The following MSGN1 variants were observed in gnomAD, a reference collection of about 807,000 sequenced individuals.
MSGN1 encodes the protein mesogenin 1, also known as mesogenin-1.
A neutral mutation model predicts 10.1 loss-of-function variants in MSGN1; 3 were observed. The ratio of observed to expected loss-of-function variants is 0.30; its 90% CI spans 0.13 to 0.76. MSGN1 has a LOEUF of 0.76. Among genes scored for constraint, MSGN1 ranks in the 30% least tolerant of loss-of-function variants. MSGN1 has a pLI of 0.67. For missense variants in MSGN1, 244 were observed against 244.5 expected, an observed-to-expected ratio of 1.00 and a Z score of 0.01; for synonymous variants, 110 against 103.8, an observed-to-expected ratio of 1.06 and a Z score of -0.37.
Position 17,817,108 on chromosome 2 carries a change from C to T in MSGN1, c.*8C>T, listed in dbSNP as rs776521506. 8 of 1,607,456 alleles carry T rather than the reference C, an allele frequency of 5.0e-6. No homozygotes were observed. The South Asian group carries it at 6.6e-5, about 13-fold the overall frequency. On this transcript the variant is annotated 3_prime_UTR_variant, in exon 1 of 1. Coordinates refer to ENST00000281047, the MANE Select transcript of MSGN1 (RefSeq NM_001105569.3). Reference sequence around the variant, plus strand: ...AGAGCCCAGAGCGCGTGAGCTCCATCCGGGGAAACTGACCGGTTCCAGCCT... The same window carrying T: ...AGAGCCCAGAGCGCGTGAGCTCCATTCGGGGAAACTGACCGGTTCCAGCCT...
rs1166110557 is a variant in MSGN1 at position 17,816,736 on chromosome 2, G to A, written c.218G>A (p.Gly73Glu). The A allele has an allele frequency of 6.2e-7, 1 of 1,614,034 alleles. No homozygotes were observed. The highest frequency in any genetic ancestry group is 1.1e-5 in the South Asian group (1 of 91,060). The change falls in exon 1 of 1, where the codon GGG becomes GAG. Residue 73 changes from glycine (G) to glutamate (E), a missense_variant. Physicochemically the swap from Gly to Glu is moderately conservative, Grantham distance 98 (BLOSUM62 -2). Transcript: ENST00000281047. ...AVAGLPCEHGGASSGGSEGCS... is the reference protein window; with the variant it reads ...AVAGLPCEHGEASSGGSEGCS... The stretch of plus-strand genomic sequence containing the variant: ...GCTGGGCTGCCCTGTGAGCACGGCG[G>A]GGCCAGCAGTGGGGGCAGCGAAGGC...
In MSGN1 at chr2:17,816,503, C is replaced by T. The variant is rs372747250; in HGVS notation, c.-16C>T. On this transcript the variant is annotated 5_prime_UTR_variant, in exon 1 of 1. Coordinates refer to ENST00000281047, the MANE Select transcript of MSGN1 (RefSeq NM_001105569.3). ...ACTTGCCAGGGAGCCATTCCTTCTG[C>T]AGCTGTCTCGCAGGCATGGACAACC... The T allele has an allele frequency of 2.2e-5, 34 of 1,543,108 alleles. No individual in the cohort carries two copies. The highest frequency in any genetic ancestry group is 2.8e-5 in the Non-Finnish European group (32 of 1,142,860).
rs558058990 is a variant in MSGN1 at position 17,816,694 on chromosome 2, C to T, written c.176C>T (p.Ser59Phe). The T allele has an allele frequency of 4.3e-6, 7 of 1,614,256 alleles. No homozygotes were observed. The South Asian group carries it at 7.7e-5, about 18-fold the overall frequency. ...CCATCGCTGGAATCCTATTCTTCTTCTCCCTGTCCAGCTGTGGCTGGGCTG... is the reference window on the plus strand; with the variant it reads ...CCATCGCTGGAATCCTATTCTTCTTTTCCCTGTCCAGCTGTGGCTGGGCTG... ...PAPSLESYSS[S>F]PCPAVAGLPC... Residue 59 changes from serine to phenylalanine, a missense_variant, in exon 1 of 1, where the codon TCT becomes TTT. By Grantham distance (155) the Ser-to-Phe change is radical (BLOSUM62 -2). Transcript: ENST00000281047.
Position 17,817,193 on chromosome 2 carries a change from T to C in MSGN1, c.*93T>C. 1 of 1,053,924 alleles carries C rather than the reference T, an allele frequency of 9.5e-7. No individual in the cohort carries two copies. The highest frequency in any genetic ancestry group is 2.5e-5 in the East Asian group (1 of 39,904). The allele number at this position is 1,053,924 out of a possible 1,614,324, so 65.3% of individuals were successfully genotyped here. ...ATATCTTATTGAACAATGATCGGCG[T>C]AGAGTGATTTTTATGTAGTAAGCCT... On this transcript the variant is annotated 3_prime_UTR_variant, in exon 1 of 1. Transcript: ENST00000281047.
Position 17,817,101 on chromosome 2 carries a change from G to A in MSGN1, c.*1G>A, listed in dbSNP as rs768458357. The A allele has an allele frequency of 1.1e-5, 18 of 1,610,198 alleles. No individual in the cohort carries two copies. In the Admixed American group the frequency reaches 2.7e-4, roughly 24 times the overall value. The stretch of plus-strand genomic sequence containing the variant: ...AGAGCCCAGAGCCCAGAGCGCGTGA[G>A]CTCCATCCGGGGAAACTGACCGGTT... On this transcript the variant is annotated 3_prime_UTR_variant, in exon 1 of 1. Coordinates refer to ENST00000281047, the MANE Select transcript of MSGN1 (RefSeq NM_001105569.3).
At position 17,816,844 on chromosome 2, in the gene MSGN1, G is replaced by A. The variant is rs1673580883; in HGVS notation, c.326G>A (p.Gly109Asp). 1 of 1,614,204 alleles carries A rather than the reference G, an allele frequency of 6.2e-7. No individual in the cohort carries two copies. Among genetic ancestry groups the A allele is most frequent in the East Asian group, 2.2e-5 (1 of 44,880 alleles). The change falls in exon 1 of 1, where the codon GGT becomes GAT. Residue 109 changes from glycine (G) to aspartate (D), a missense_variant. Transcript: ENST00000281047. ...AFQPTHLQGG[G>D]GPKAQKGTKV... is the part of the protein sequence containing the mutation. ...CAGCCCACCCACCTTCAGGGCGGTG[G>A]TGGCCCCAAGGCCCAGAAGGGCACC...
rs1445606717 is a variant in MSGN1, at chr2:17,817,144, A to G, written c.*44A>G. The G allele has an allele frequency of 1.3e-6, 2 of 1,529,818 alleles. No individual in the cohort carries two copies. Among genetic ancestry groups the G allele is most frequent in the Non-Finnish European group, 1.8e-6 (2 of 1,121,574 alleles). The allele number at this position is 1,529,818 out of a possible 1,614,324, so 94.8% of individuals were successfully genotyped here. Reference sequence around the variant, plus strand: ...GACCGGTTCCAGCCTCCTGAGCAGGAGTAGAGGAGTTTTGAAGACCTGGAT... The same window carrying G: ...GACCGGTTCCAGCCTCCTGAGCAGGGGTAGAGGAGTTTTGAAGACCTGGAT... On this transcript the variant is annotated 3_prime_UTR_variant, in exon 1 of 1. Coordinates refer to ENST00000281047, the MANE Select transcript of MSGN1 (RefSeq NM_001105569.3).
rs1284903477 is a variant in MSGN1 at position 17,817,168 on chromosome 2, A to G, written c.*68A>G. On this transcript the variant is annotated 3_prime_UTR_variant, in exon 1 of 1. Transcript: ENST00000281047. ...GAGTAGAGGAGTTTTGAAGACCTGGATATCTTATTGAACAATGATCGGCGT... is the reference window on the plus strand; with the variant it reads ...GAGTAGAGGAGTTTTGAAGACCTGGGTATCTTATTGAACAATGATCGGCGT... The G allele has an allele frequency of 4.7e-6, 6 of 1,268,682 alleles. No individual in the cohort carries two copies. The highest frequency in any genetic ancestry group is 1.5e-5 in the African/African-American group (1 of 67,228). 78.6% of individuals were successfully genotyped at this position (1,268,682 alleles called of 1,614,324 possible).
rs578146121 is a variant in MSGN1 at position 17,817,632 on chromosome 2, T to C, written c.*532T>C. Among the ~76,000 whole-genome samples the C allele has an allele frequency of 6.6e-6, 1 of 152,336 alleles. No individual in the cohort carries two copies. Among genetic ancestry groups the C allele is most frequent in the South Asian group, 2.1e-4 (1 of 4,834 alleles). Reference sequence around the variant, plus strand: ...GTGTGTTTGTGTTTGACTGAAATCATGCTGTTGCAGGGACCAAAATCACTT... The same window carrying C: ...GTGTGTTTGTGTTTGACTGAAATCACGCTGTTGCAGGGACCAAAATCACTT... On this transcript the variant is annotated 3_prime_UTR_variant, in exon 1 of 1. Coordinates refer to ENST00000281047, the MANE Select transcript of MSGN1 (RefSeq NM_001105569.3).
rs1163206781 is a variant in MSGN1 at position 17,817,131 on chromosome 2, C to G, written c.*31C>G. 1 of 1,580,498 alleles carries G rather than the reference C, an allele frequency of 6.3e-7. No individual in the cohort carries two copies. The highest frequency in any genetic ancestry group is 8.7e-7 in the Non-Finnish European group (1 of 1,155,644). On this transcript the variant is annotated 3_prime_UTR_variant, in exon 1 of 1. Transcript: ENST00000281047. ...ATCCGGGGAAACTGACCGGTTCCAG[C>G]CTCCTGAGCAGGAGTAGAGGAGTTT... is the stretch of plus-strand genomic sequence containing the variant.
Position 17,816,755 on chromosome 2 carries a change from C to T in MSGN1, c.237C>T (p.Ser79=), listed in dbSNP as rs772398177. ...ACGGCGGGGCCAGCAGTGGGGGCAG[C>T]GAAGGCTGCAGTGTCGGTGGGGCCA... ...CEHGGASSGG[S]EGCSVGGASG... Residue 79 remains serine, a synonymous_variant, in exon 1 of 1, where the codon AGC becomes AGT. Transcript: ENST00000281047. The T allele has an allele frequency of 3.7e-6, 6 of 1,613,588 alleles. No homozygotes were observed. Among genetic ancestry groups the T allele is most frequent in the East Asian group, 4.5e-5 (2 of 44,906 alleles).
In MSGN1 at chr2:17,817,247, G is replaced by A. The variant is rs1673590123; in HGVS notation, c.*147G>A. 6 of 746,864 alleles carry A rather than the reference G, an allele frequency of 8.0e-6. No individual in the cohort carries two copies. In the South Asian group the frequency reaches 1.1e-4, roughly 14 times the overall value. 46.3% of individuals were successfully genotyped at this position (746,864 alleles called of 1,614,324 possible). A position where few individuals can be genotyped will look rare whatever the true frequency, so the allele number is the denominator to read the frequency against. On this transcript the variant is annotated 3_prime_UTR_variant, in exon 1 of 1. Coordinates refer to ENST00000281047, the MANE Select transcript of MSGN1 (RefSeq NM_001105569.3). ...AATCTTGTGATCTGAAAAACCCTAA[G>A]GGAATTCACATGTAACCTGTTGGAC...
rs1033124323 is a variant in MSGN1 at position 17,817,346 on chromosome 2, T to C, written c.*246T>C. 6.6e-6 allele frequency among the ~76,000 whole-genome samples: 1 copy of C among 152,238 alleles called. No individual in the cohort carries two copies. The highest frequency in any genetic ancestry group is 2.4e-5 in the African/African-American group (1 of 41,458). ...TTTTTCCACCCATCTGGGAGGCTCA[T>C]CCTTTGCAAACAGACAGATTATTTT... On this transcript the variant is annotated 3_prime_UTR_variant, in exon 1 of 1. Coordinates refer to ENST00000281047, the MANE Select transcript of MSGN1 (RefSeq NM_001105569.3).
In MSGN1 at chr2:17,817,050, C is replaced by T; in HGVS notation, c.532C>T (p.Leu178Phe). The T allele has an allele frequency of 1.2e-6, 2 of 1,613,882 alleles. No individual in the cohort carries two copies. The highest frequency in any genetic ancestry group is 8.5e-7 in the Non-Finnish European group (1 of 1,179,778). Residue 178 changes from leucine (L) to phenylalanine (F), a missense_variant, in exon 1 of 1, where the codon CTC becomes TTC. By Grantham distance (22) the Leu-to-Phe change is conservative. Transcript: ENST00000281047. ...LKYTIKYIGE[L>F]TDLLNRGREP... ...GTACACCATCAAGTACATCGGGGAA[C>T]TCACAGACCTCCTTAACCGCGGCAG...
In MSGN1 at chr2:17,816,505, G is replaced by C. The variant is rs774087990; in HGVS notation, c.-14G>C. 2 of 1,544,800 alleles carry C rather than the reference G, an allele frequency of 1.3e-6. No homozygotes were observed. Among genetic ancestry groups the C allele is most frequent in the African/African-American group, 2.8e-5 (2 of 72,574 alleles). On this transcript the variant is annotated 5_prime_UTR_variant, in exon 1 of 1. Transcript: ENST00000281047. The stretch of plus-strand genomic sequence containing the variant: ...TTGCCAGGGAGCCATTCCTTCTGCA[G>C]CTGTCTCGCAGGCATGGACAACCTG...
In MSGN1 at chr2:17,816,839, C is replaced by T. The variant is rs1330815435; in HGVS notation, c.321C>T (p.Gly107=). Residue 107 remains glycine (G), a synonymous_variant, in exon 1 of 1, where the codon GGC becomes GGT. Transcript: ENST00000281047. ...MLAFQPTHLQ[G]GGGPKAQKGT... is the part of the protein sequence containing the mutation. ...CTTTCCAGCCCACCCACCTTCAGGGCGGTGGTGGCCCCAAGGCCCAGAAGG... is the reference window on the plus strand; with the variant it reads ...CTTTCCAGCCCACCCACCTTCAGGGTGGTGGTGGCCCCAAGGCCCAGAAGG... 5.6e-6 allele frequency: 9 copies of T among 1,614,190 alleles called. No individual in the cohort carries two copies. The highest frequency in any genetic ancestry group is 3.3e-5 in the Admixed American group (2 of 60,028).
At position 17,817,032 on chromosome 2, in the gene MSGN1, A is replaced by G; in HGVS notation, c.514A>G (p.Ile172Val). ...CAAGATCCAGACACTCAAGTACACCATCAAGTACATCGGGGAACTCACAGA... is the reference window on the plus strand; with the variant it reads ...CAAGATCCAGACACTCAAGTACACCGTCAAGTACATCGGGGAACTCACAGA... ...LTKIQTLKYT[I>V]KYIGELTDLL... The change falls in exon 1 of 1, where the codon ATC becomes GTC. Residue 172 changes from isoleucine to valine, a missense_variant. Ile to Val is a conservative substitution (Grantham distance 29). Coordinates refer to ENST00000281047, the MANE Select transcript of MSGN1 (RefSeq NM_001105569.3). 1 of 1,613,866 alleles carries G rather than the reference A, an allele frequency of 6.2e-7. No homozygotes were observed. Among genetic ancestry groups the G allele is most frequent in the Non-Finnish European group, 8.5e-7 (1 of 1,179,766 alleles).
Position 17,816,746 on chromosome 2 carries a change from T to G in MSGN1, c.228T>G (p.Ser76Arg). ...GLPCEHGGASSGGSEGCSVGG... is the reference protein window; with the variant it reads ...GLPCEHGGASRGGSEGCSVGG... Reference sequence around the variant, plus strand: ...CCTGTGAGCACGGCGGGGCCAGCAGTGGGGGCAGCGAAGGCTGCAGTGTCG... The same window carrying G: ...CCTGTGAGCACGGCGGGGCCAGCAGGGGGGGCAGCGAAGGCTGCAGTGTCG... The change falls in exon 1 of 1, where the codon AGT (serine) becomes AGG (arginine). Residue 76 changes from serine (S) to arginine (R), a missense_variant. Ser to Arg is a moderately radical substitution (Grantham distance 110). Transcript: ENST00000281047. 1 of 1,613,706 alleles carries G rather than the reference T, an allele frequency of 6.2e-7. No homozygotes were observed. Among genetic ancestry groups the G allele is most frequent in the Non-Finnish European group, 8.5e-7 (1 of 1,179,774 alleles).
In MSGN1 at chr2:17,816,491, C is replaced by T; in HGVS notation, c.-28C>T. On this transcript the variant is annotated 5_prime_UTR_variant, in exon 1 of 1. Transcript: ENST00000281047. ...ATTTTCTTTCTCACTTGCCAGGGAG[C>T]CATTCCTTCTGCAGCTGTCTCGCAG... is the stretch of plus-strand genomic sequence containing the variant. 1 of 1,525,202 alleles carries T rather than the reference C, an allele frequency of 6.6e-7. No homozygotes were observed. Among genetic ancestry groups the T allele is most frequent in the Non-Finnish European group, 8.8e-7 (1 of 1,133,674 alleles). The allele number at this position is 1,525,202 out of a possible 1,614,324, so 94.5% of individuals were successfully genotyped here.
Sources: allele counts gnomAD v4.1 joint callset (sites outside exome capture counted in the v4.1 genomes callset), GRCh38; gene constraint gnomAD v4.1.1; transcripts MANE v1.5; gene names NCBI Gene and HGNC (gene_info 2026-07-23, HGNC 2026-07-21).